The following GLI2 variants were observed in gnomAD, a reference collection of about 807,000 sequenced individuals.
GLI2 encodes the protein transcription activator GLI2.
A neutral mutation model predicts 78.9 loss-of-function variants in GLI2; 22 were observed. The observed-to-expected ratio is 0.28, with a 90% CI of 0.20 to 0.40. The LOEUF is 0.40. GLI2 is among the 10% of genes least tolerant of loss of function. GLI2 has a pLI of 1.00. For missense variants in GLI2, 2,097 were observed against 2,213.2 expected, an observed-to-expected ratio of 0.95 and a Z score of 1.05; for synonymous variants, 974 against 963.7, an observed-to-expected ratio of 1.01 and a Z score of -0.20.
At chr2:120,837,932 T>C (rs1686693291) in intron 2 of GLI2, among the ~76,000 whole-genome samples, 1 of 152,220 alleles carries the variant, frequency 6.6e-6, no homozygotes, top group Non-Finnish European at 1.5e-5. Flanking sequence ...AATCCCCTCA[T>C]GTGTTCCTCT....
chr2:120,931,997 C>T (rs1679965309), intron 3 of GLI2, among the ~76,000 whole-genome samples: 1 of 152,136 alleles, frequency 6.6e-6, no homozygotes, highest in South Asian at 2.1e-4. Flanking sequence ...GCAAGAGCCT[C>T]GGGGCTGGCC....
intron 3 of GLI2, among the ~76,000 whole-genome samples, chr2:120,945,957 T>TCTCACACA (rs1553470434): frequency 6.0e-5 from 8 of 134,158 alleles, no homozygotes; most frequent in African/African-American, 1.3e-4. Context: ...CATAACCTTC[T>TCTCACACA]CACACACACA....
At chr2:120,787,459 G>C (rs957224185) in intron 1 of GLI2, among the ~76,000 whole-genome samples, 1 of 152,154 alleles carries the variant, frequency 6.6e-6, no homozygotes, top group African/African-American at 2.4e-5. Flanking sequence ...GGGGGCCTTG[G>C]CATGGGTCTG....
At chr2:120,796,426 G>T (rs1684397472) in intron 1 of GLI2, among the ~76,000 whole-genome samples, 1 of 152,160 alleles carries the variant, frequency 6.6e-6, no homozygotes, top group African/African-American at 2.4e-5. Context: ...AGTCAGTCCT[G>T]CCCCTCCCCT....
At chr2:120,821,489 A>T (rs1685773668) in intron 2 of GLI2, among the ~76,000 whole-genome samples, 2 of 152,084 alleles carry the variant, frequency 1.3e-5, no homozygotes, top group African/African-American at 4.8e-5. Context: ...GAGACTGTCA[A>T]ATCCTCGGAT....
intron 10 of GLI2, among the ~76,000 whole-genome samples, chr2:120,980,845 A>G (rs907545535): frequency 2.6e-5 from 4 of 152,108 alleles, no homozygotes; most frequent in Admixed American, 6.6e-5. Context: ...GTTTTATAAT[A>G]TAGCTCTTCC....
At chr2:120,820,832 G>A (rs193051457) in intron 2 of GLI2, among the ~76,000 whole-genome samples, 2 of 152,316 alleles carry the variant, frequency 1.3e-5, no homozygotes, top group Non-Finnish European at 2.9e-5. Flanking sequence ...GGGCCACACT[G>A]CATCTTCCAG....
chr2:120,757,284 T>G (rs934460454), intron 1 of GLI2, among the ~76,000 whole-genome samples: 1 of 152,150 alleles, frequency 6.6e-6, no homozygotes, highest in African/African-American at 2.4e-5. Flanking sequence ...TTGTAAGTTT[T>G]ATCTTATTGG....
rs559382983 is a variant in GLI2 at position 120,934,162 on chromosome 2, C to T, written c.254+6696C>T. Among the ~76,000 whole-genome samples, 115 of 152,204 alleles carry T rather than the reference C, an allele frequency of 7.6e-4. 4 individuals carry two copies. The highest frequency in any genetic ancestry group is 3.2e-4 in the Non-Finnish European group (22 of 68,046). On this transcript the variant is annotated intron_variant, in intron 3 of 13. Transcript: ENST00000361492. ...TGCTTGACGTCCGGGAAAGCAGCCC[C>T]AGAGCTGCTTGTTGGCTTTCTGGAC...
intron 3 of GLI2, among the ~76,000 whole-genome samples, chr2:120,935,293 G>A (rs1216446927): frequency 1.3e-5 from 2 of 152,216 alleles, no homozygotes; most frequent in Non-Finnish European, 2.9e-5. Context: ...CCTTAAAACC[G>A]GCTGTTGCTG....
chr2:120,922,102 A>G (rs1025202020), intron 2 of GLI2, among the ~76,000 whole-genome samples: 1 of 152,150 alleles, frequency 6.6e-6, no homozygotes, highest in Non-Finnish European at 1.5e-5. Flanking sequence ...TCACTGGGCC[A>G]TGGTGTGGGC....
At chr2:120,834,496 G>C (rs2104775166) in intron 2 of GLI2, among the ~76,000 whole-genome samples, 1 of 152,270 alleles carries the variant, frequency 6.6e-6, no homozygotes, top group Admixed American at 6.5e-5. Flanking sequence ...TATGGACTCT[G>C]GATCAGTTGG....
intron 2 of GLI2, among the ~76,000 whole-genome samples, chr2:120,926,713 G>A (rs1198032201): frequency 6.6e-6 from 1 of 152,216 alleles, no homozygotes; most frequent in Non-Finnish European, 1.5e-5. Flanking sequence ...CTCAGCTCTG[G>A]AAACTGACAC....
chr2:120,825,813 C>A (rs2104757840), intron 2 of GLI2, among the ~76,000 whole-genome samples: 1 of 152,366 alleles, frequency 6.6e-6, no homozygotes, highest in South Asian at 2.1e-4. Flanking sequence ...CTTACCCCTG[C>A]CCCTAGGGCT....
At position 120,823,280 on chromosome 2, in the gene GLI2, A is replaced by G. The variant is rs144365303; in HGVS notation, c.148+25812A>G. ...GCCCCCGGTGTGATATAATTACATT[A>G]TAATTTACAGCAATCCCAAATCTAT... On this transcript the variant is annotated intron_variant, in intron 2 of 13. Transcript: ENST00000361492. Among the ~76,000 whole-genome samples, 484 of 152,332 alleles carry G rather than the reference A, an allele frequency of 3.2e-3. 5 individuals carry two copies. The highest frequency in any genetic ancestry group is 0.011 in the African/African-American group (460 of 41,566).
Position 120,784,607 on chromosome 2 carries a change from A to T in GLI2, c.-30-12684A>T, listed in dbSNP as rs547016071. ...TCCCGAGGGGTAAGCACACCCTTCC[A>T]GTCTGCCGGACACTTGACTTCCAGG... On this transcript the variant is annotated intron_variant, in intron 1 of 13. Transcript: ENST00000361492. Among the ~76,000 whole-genome samples the T allele has an allele frequency of 2.0e-5, 3 of 152,182 alleles. No individual in the cohort carries two copies. The East Asian group carries it at 5.8e-4, about 29-fold the overall frequency.
At chr2:120,860,753 G>T (rs543419923) in intron 2 of GLI2, among the ~76,000 whole-genome samples, 85 of 152,266 alleles carry the variant, frequency 5.6e-4, no homozygotes, top group African/African-American at 1.9e-3. Flanking sequence ...TTGTTAACAG[G>T]GAGCCGTCTG....
chr2:120,933,780 C>G (rs1044796409), intron 3 of GLI2, among the ~76,000 whole-genome samples: 2 of 152,104 alleles, frequency 1.3e-5, no homozygotes, highest in Non-Finnish European at 2.9e-5. Context: ...AGTCCATGCT[C>G]CTGGTTCGGG....
chr2:120,909,559 C>T (rs961840600), intron 2 of GLI2, among the ~76,000 whole-genome samples: 1 of 152,160 alleles, frequency 6.6e-6, no homozygotes, highest in Non-Finnish European at 1.5e-5. Context: ...ATCGTGCACA[C>T]CCCCTCATTT....
Sources: allele counts gnomAD v4.1 joint callset (sites outside exome capture counted in the v4.1 genomes callset), GRCh38; gene constraint gnomAD v4.1.1; transcripts MANE v1.5; gene names NCBI Gene and HGNC (gene_info 2026-07-23, HGNC 2026-07-21).